Variants in TSC2 observed in about 807,000 individuals in gnomAD.
TSC2 encodes tuberin.
In TSC2, 29 loss-of-function variants were observed where a neutral mutation model predicts 202.2. The observed-to-expected ratio is 0.14, with a 90% CI of 0.11 to 0.20. The LOEUF is 0.20. TSC2 is among the 10% of genes least tolerant of loss of function. The pLI is 1.00. For synonymous variants in TSC2, 1,349 were observed against 1,044.0 expected (o/e 1.29, Z -5.63); for missense variants, 2,429 against 2,420.0 (o/e 1.00, Z -0.08).
intron 16 of TSC2, chr16:2,068,508 A>T (rs548509540): frequency 6.6e-5 from 10 of 152,316 alleles, no homozygotes; most frequent in African/African-American, 2.2e-4. Context: ...GATAGCAGAC[A>T]GTCTATTAAT....
chr16:2,080,697 G>C (rs983649972), intron 30 of TSC2: 2 of 348,434 alleles, frequency 5.7e-6, no homozygotes, highest in East Asian at 6.4e-5. Flanking sequence ...TGTTAGCCAG[G>C]ATGGTCTCAA....
chr16:2,072,227 T>G lies in TSC2; in HGVS notation c.2098-14T>G, dbSNP rs551711987. On this transcript the variant is annotated splice_polypyrimidine_tract_variant and intron_variant, in intron 19 of 41. Transcript: ENST00000219476. ...GTCCAGAAGGCCCTGTCCTGACGCCTCCTCTCCTCGCAGGAGTCTGACTGG... is the reference window on the plus strand; with the variant it reads ...GTCCAGAAGGCCCTGTCCTGACGCCGCCTCTCCTCGCAGGAGTCTGACTGG... 3 of 1,613,896 alleles carry G rather than the reference T, an allele frequency of 1.9e-6. No individual in the cohort carries two copies. Among genetic ancestry groups the G allele is most frequent in the Admixed American group, 1.7e-5 (1 of 60,036 alleles).
intron 33 of TSC2, 36 bp downstream of exon 33, chr16:2,083,852 CG>C: frequency 6.3e-7 from 1 of 1,595,704 alleles, no homozygotes; most frequent in Middle Eastern, 1.8e-4. Flanking sequence ...CTGCTGACCT[CG>C]GGGGGCTCCT....
At chr16:2,064,982 C>T (rs766660224) in intron 15 of TSC2, 7 of 194,172 alleles carry the variant, frequency 3.6e-5, no homozygotes, top group African/African-American at 9.4e-5. Flanking sequence ...CACGTGGTGG[C>T]GGGCACCTGC....
At position 2,089,471 on chromosome 16, in the gene TSC2, T is replaced by C. The variant is rs2091350195; in HGVS notation, c.*861T>C. On this transcript the variant is annotated 3_prime_UTR_variant, in exon 42 of 42. Coordinates refer to ENST00000219476, the MANE Select transcript of TSC2 (RefSeq NM_000548.5). ...TACCTGAGGACTCGGGGAAATAAAT[T>C]AGCATCTCAGAGGCTAGAAACCGTC... 7 of 553,982 alleles carry C rather than the reference T, an allele frequency of 1.3e-5. No individual in the cohort carries two copies. Among genetic ancestry groups the C allele is most frequent in the Non-Finnish European group, 1.9e-5 (6 of 310,628 alleles). 34.3% of individuals were successfully genotyped at this position (553,982 alleles called of 1,614,324 possible).
Position 2,089,192 on chromosome 16 carries a change from G to A in TSC2, c.*582G>A, listed in dbSNP as rs1350023749. On this transcript the variant is annotated 3_prime_UTR_variant, in exon 42 of 42. Transcript: ENST00000219476. ...ACACCTACCAAGCGCAGCAGGTGTTGGGGGAGGCCAGCTCTGGGCGCAGGC... is the reference window on the plus strand; with the variant it reads ...ACACCTACCAAGCGCAGCAGGTGTTAGGGGAGGCCAGCTCTGGGCGCAGGC... 1.1e-5 allele frequency: 2 copies of A among 174,808 alleles called. No individual in the cohort carries two copies. Among genetic ancestry groups the A allele is most frequent in the African/African-American group, 4.8e-5 (2 of 41,888 alleles). 10.8% of individuals were successfully genotyped at this position (174,808 alleles called of 1,614,324 possible). A position where few individuals can be genotyped will look rare whatever the true frequency, so the allele number is the denominator to read the frequency against.
intron 11 of TSC2, 136 bp downstream of exon 11, chr16:2,060,949 G>A (rs111899473): frequency 2.9e-5 from 33 of 1,138,312 alleles, no homozygotes; most frequent in South Asian, 1.4e-4. Flanking sequence ...CTGGTGATTC[G>A]CAGTGGCGCT....
In TSC2 at chr16:2,053,374, G is replaced by A. The variant is rs397514912; in HGVS notation, c.258G>A (p.Ala86=). Residue 86 remains alanine, a synonymous_variant, in exon 4 of 42, where the codon GCG becomes GCA. Coordinates refer to ENST00000219476, the MANE Select transcript of TSC2 (RefSeq NM_000548.5). ...TGGAAGCACTCTGGAAGGCGGTCGC[G>A]GATCTGTTGCAGCCGGAGCGGCCGC... ...HAVEALWKAV[A]DLLQPERPLE... is the part of the protein sequence containing the mutation. 6.2e-5 allele frequency: 98 copies of A among 1,591,450 alleles called. 1 individual carries two copies. The highest frequency in any genetic ancestry group is 3.0e-4 in the South Asian group (26 of 87,240).
At chr16:2,062,372 C>T (rs2151161286) in intron 12 of TSC2, 125 bp from the exon 13 acceptor site, 1 of 905,884 alleles carries the variant, frequency 1.1e-6, no homozygotes, top group East Asian at 2.6e-5. Flanking sequence ...TGTGTCTGGG[C>T]TGTGGGCTGC....
At chr16:2,080,756 T>A (rs370685265) in intron 30 of TSC2, 2 of 260,404 alleles carry the variant, frequency 7.7e-6, no homozygotes, top group Non-Finnish European at 1.5e-5. Flanking sequence ...AGTGCTGGGA[T>A]TACAGGCGTG....
chr16:2,055,234 C>T (rs1201082765), intron 5 of TSC2, 168 bp from the exon 6 acceptor site: 2 of 702,022 alleles, frequency 2.8e-6, no homozygotes, highest in Non-Finnish European at 5.2e-6. Flanking sequence ...CCTGGGCTCC[C>T]CTGAGCCTCT....
At chr16:2,065,917 C>T (rs2087288584) in intron 16 of TSC2, among the ~76,000 whole-genome samples, 1 of 152,226 alleles carries the variant, frequency 6.6e-6, no homozygotes, top group Non-Finnish European at 1.5e-5. Context: ...GCCCTCGTCA[C>T]CCAGCACAGC....
rs1330666033 is a variant in TSC2, at chr16:2,088,377, G to C, written c.5259+52G>C. ...GGGTGTGCTGGCTGCCCAAGCTGTG[G>C]GGCGGGTGTGTGGGCAGAGCGGTTG... On this transcript the variant is annotated intron_variant, in intron 41 of 41. Coordinates refer to ENST00000219476, the MANE Select transcript of TSC2 (RefSeq NM_000548.5). 4 of 1,612,284 alleles carry C rather than the reference G, an allele frequency of 2.5e-6. No individual in the cohort carries two copies. The South Asian group carries it at 3.3e-5, about 13-fold the overall frequency.
intron 20 of TSC2, chr16:2,072,643 C>A: frequency 1.2e-6 from 1 of 850,490 alleles, no homozygotes; most frequent in Non-Finnish European, 1.8e-6. Flanking sequence ...GGCTCCCGTG[C>A]CGTTCACCTC....
chr16:2,079,766 G>A lies in TSC2; in HGVS notation c.3397+97G>A, dbSNP rs1445483773. ...GGAAGGCCCCGAGCCCAGGGGCCGGGGTGGCTGGCTTCAGGCCCGGCCCAC... is the reference window on the plus strand; with the variant it reads ...GGAAGGCCCCGAGCCCAGGGGCCGGAGTGGCTGGCTTCAGGCCCGGCCCAC... On this transcript the variant is annotated intron_variant, in intron 29 of 41. Transcript: ENST00000219476. The surrounding 1 kb of genome is among the most constrained non-coding windows in gnomAD (Gnocchi z 4.6). 2 of 1,318,526 alleles carry A rather than the reference G, an allele frequency of 1.5e-6. No homozygotes were observed. Among genetic ancestry groups the A allele is most frequent in the Admixed American group, 2.3e-5 (1 of 44,404 alleles). 81.7% of individuals were successfully genotyped at this position (1,318,526 alleles called of 1,614,324 possible).
intron 2 of TSC2, among the ~76,000 whole-genome samples, chr16:2,049,233 G>T (rs1017763387): frequency 6.6e-6 from 1 of 151,828 alleles, no homozygotes; most frequent in African/African-American, 2.4e-5. Flanking sequence ...CTACAGACAC[G>T]TGCCACCACA....
chr16:2,067,456 C>T (rs1324536381), intron 16 of TSC2, among the ~76,000 whole-genome samples: 1 of 151,468 alleles, frequency 6.6e-6, no homozygotes, highest in East Asian at 2.0e-4. Context: ...GCCACCACAC[C>T]TGGCCGTGGT....
intron 9 of TSC2, among the ~76,000 whole-genome samples, chr16:2,058,222 A>G (rs1460945717): frequency 6.7e-6 from 1 of 150,246 alleles, no homozygotes; most frequent in Non-Finnish European, 1.5e-5. Context: ...CACCCCCTGC[A>G]TCTCTCCTTT....
intron 25 of TSC2, 97 bp downstream of exon 25, chr16:2,076,682 A>G (rs1436021189): frequency 1.6e-6 from 2 of 1,272,126 alleles, no homozygotes; most frequent in African/African-American, 1.5e-5. Context: ...GTGAGTGGAA[A>G]TGGGTCCTGT....
Sources: allele counts gnomAD v4.1 joint callset (sites outside exome capture counted in the v4.1 genomes callset), GRCh38; gene constraint gnomAD v4.1.1; non-coding constraint Gnocchi (gnomAD v3.1); transcripts MANE v1.5; gene names NCBI Gene and HGNC (gene_info 2026-07-23, HGNC 2026-07-21).